The following CADPS variants were observed in gnomAD, a reference collection of about 807,000 sequenced individuals.
CADPS encodes the protein calcium-dependent secretion activator 1.
A neutral mutation model predicts 167.3 loss-of-function variants in CADPS; 57 were observed. The ratio of observed to expected loss-of-function variants is 0.34; its 90% CI spans 0.28 to 0.42. The LOEUF (loss-of-function observed/expected upper bound fraction) is 0.42, where lower values mean the gene tolerates loss of function less well. Among genes scored for constraint, CADPS ranks in the 20% least tolerant of loss-of-function variants. CADPS has a pLI of 1.00. For missense variants in CADPS, 1,414 were observed against 1,738.1 expected (o/e 0.81, Z 3.32); for synonymous variants, 676 against 635.3 (o/e 1.06, Z -0.96).
chr3:62,489,168 T>C (rs2063298949), intron 21 of CADPS, among the ~76,000 whole-genome samples: 1 of 111,842 alleles, frequency 8.9e-6, no homozygotes, highest in African/African-American at 3.4e-5. Flanking sequence ...ACTTTTATTA[T>C]TTTTTTTTTT....
chr3:62,652,486 T>C (rs2070449534), intron 4 of CADPS, among the ~76,000 whole-genome samples: 1 of 151,882 alleles, frequency 6.6e-6, no homozygotes, highest in South Asian at 2.1e-4. Flanking sequence ...TAGTGCCCTG[T>C]CATCAATCAG....
intron 6 of CADPS, among the ~76,000 whole-genome samples, chr3:62,616,400 C>G (rs1045114644): frequency 6.6e-6 from 1 of 151,886 alleles, no homozygotes; most frequent in South Asian, 2.1e-4. Flanking sequence ...AACAAAGTTA[C>G]GTTCCTGGGA....
intron 3 of CADPS, among the ~76,000 whole-genome samples, chr3:62,699,539 T>A (rs141949294): frequency 6.6e-6 from 1 of 152,208 alleles, no homozygotes; most frequent in East Asian, 1.9e-4. Flanking sequence ...AATGTGCCCC[T>A]GGGTCAAATC....
chr3:62,488,046 T>C (rs537775178), intron 21 of CADPS, among the ~76,000 whole-genome samples: 2 of 152,318 alleles, frequency 1.3e-5, no homozygotes, highest in Admixed American at 1.3e-4. Flanking sequence ...AGGATAACAA[T>C]TGTTTGAAAG....
intron 1 of CADPS, among the ~76,000 whole-genome samples, chr3:62,873,314 T>C (rs2082970418): frequency 6.6e-6 from 1 of 152,206 alleles, no homozygotes; most frequent in Non-Finnish European, 1.5e-5. Context: ...TACAGCAACA[T>C]GTAATTTGTT....
intron 17 of CADPS, among the ~76,000 whole-genome samples, chr3:62,503,871 A>G (rs903348162): frequency 2.0e-5 from 3 of 152,072 alleles, no homozygotes; most frequent in African/African-American, 7.2e-5. Flanking sequence ...TCTCTCTTTA[A>G]TGAGTGTCTC....
intron 1 of CADPS, among the ~76,000 whole-genome samples, chr3:62,837,646 A>C (rs1247637166): frequency 6.6e-6 from 1 of 152,194 alleles, no homozygotes. Flanking sequence ...ACCCTGTGCC[A>C]GTATATGAAG....
At chr3:62,533,589 G>A (rs1419959612) in intron 12 of CADPS, among the ~76,000 whole-genome samples, 2 of 152,108 alleles carry the variant, frequency 1.3e-5, no homozygotes, top group East Asian at 1.9e-4. Flanking sequence ...GTCGTTAAGT[G>A]ACTCACACAG....
chr3:62,442,152 C>T (rs1336894936), intron 27 of CADPS, among the ~76,000 whole-genome samples: 2 of 147,132 alleles, frequency 1.4e-5, no homozygotes, highest in Non-Finnish European at 3.0e-5. Flanking sequence ...TGCTGCTGTA[C>T]ATTCTAGTTT....
At chr3:62,657,663 A>G (rs1296315832) in intron 4 of CADPS, among the ~76,000 whole-genome samples, 1 of 152,170 alleles carries the variant, frequency 6.6e-6, no homozygotes, top group East Asian at 1.9e-4. Context: ...AGCATGACTG[A>G]TGTTCACAGT....
In CADPS at chr3:62,536,638, T is replaced by C. The variant is rs551579134; in HGVS notation, c.1967-57A>G. On this transcript the variant is annotated intron_variant, in intron 11 of 29. Transcript: ENST00000383710. ...ATTTAGAGAAACACATCACATTTTC[T>C]TTGACATTTCAAATACACAGGAATT... 4.3e-5 allele frequency: 67 copies of C among 1,562,074 alleles called. 1 individual carries two copies. Among genetic ancestry groups the C allele is most frequent in the South Asian group, 5.6e-5 (5 of 88,802 alleles).
At chr3:62,524,317 C>T (rs2071495308) in intron 13 of CADPS, among the ~76,000 whole-genome samples, 3 of 152,168 alleles carry the variant, frequency 2.0e-5, no homozygotes, top group Non-Finnish European at 2.9e-5. Context: ...AGGGCCCTCA[C>T]ATCTCATAGT....
At chr3:62,517,760 G>A (rs1036458834) in intron 14 of CADPS, among the ~76,000 whole-genome samples, 3 of 152,198 alleles carry the variant, frequency 2.0e-5, no homozygotes, top group South Asian at 2.1e-4. Context: ...CTGTTTCTGC[G>A]GTAGTGGAAA....
chr3:62,729,639 T>C (rs2077385862), intron 3 of CADPS, among the ~76,000 whole-genome samples: 1 of 151,914 alleles, frequency 6.6e-6, no homozygotes, highest in African/African-American at 2.4e-5. Flanking sequence ...CCTTATTGGG[T>C]TGTTGAGTGA....
At chr3:62,479,363 C>T (rs2061686933) in intron 22 of CADPS, among the ~76,000 whole-genome samples, 1 of 152,160 alleles carries the variant, frequency 6.6e-6, no homozygotes, top group Non-Finnish European at 1.5e-5. Context: ...GTGTCCTCCC[C>T]CCCACCCACT....
intron 3 of CADPS, among the ~76,000 whole-genome samples, chr3:62,748,368 A>AAAAAAAAAAAAAAAAAAAAAG (rs2081992342): frequency 1.4e-5 from 2 of 142,028 alleles, no homozygotes; most frequent in Non-Finnish European, 3.1e-5. Context: ...AAAAAAAAAA[A>AAAAAAAAAAAAAAAAAAAAAG]AAAAATTAAG....
chr3:62,754,455 T>C (rs1575889007), intron 2 of CADPS, among the ~76,000 whole-genome samples: 2 of 152,234 alleles, frequency 1.3e-5, no homozygotes, highest in East Asian at 3.9e-4. Context: ...CCAAAAGTGC[T>C]GGGATTACAG....
intron 6 of CADPS, among the ~76,000 whole-genome samples, chr3:62,593,691 G>C (rs2086592244): frequency 6.6e-6 from 1 of 152,174 alleles, no homozygotes; most frequent in South Asian, 2.1e-4. Context: ...TTCCTCTGTT[G>C]GCAATGTTTC....
intron 3 of CADPS, among the ~76,000 whole-genome samples, chr3:62,704,551 C>CT (rs1407353100): frequency 6.6e-6 from 1 of 152,052 alleles, no homozygotes; most frequent in African/African-American, 2.4e-5. Context: ...TTTGGTCTAC[C>CT]TTTTACCTGG....
Sources: allele counts gnomAD v4.1 joint callset (sites outside exome capture counted in the v4.1 genomes callset), GRCh38; gene constraint gnomAD v4.1.1; transcripts MANE v1.5; gene names NCBI Gene and HGNC (gene_info 2026-07-23, HGNC 2026-07-21).